The following RAD51B variants were observed in gnomAD, a reference collection of about 807,000 sequenced individuals.
The protein encoded by RAD51B is DNA repair protein RAD51 homolog 2.
In RAD51B, 38 loss-of-function variants were observed where a neutral mutation model predicts 42.2. The ratio of observed to expected loss-of-function variants is 0.90; its 90% confidence interval spans 0.70 to 1.18. The LOEUF is 1.18. Among genes scored for constraint, RAD51B ranks in the 50% most tolerant of loss-of-function variants. The pLI is 0.00. For missense variants in RAD51B, 373 were observed against 400.7 expected (o/e 0.93, Z 0.59); for synonymous variants, 154 against 145.2 (o/e 1.06, Z -0.43).
intron 10 of RAD51B, among the ~76,000 whole-genome samples, chr14:68,631,801 C>T (rs1318602064): frequency 6.6e-6 from 1 of 152,168 alleles, no homozygotes; most frequent in Non-Finnish European, 1.5e-5. Context: ...CGCTCAGGCT[C>T]CTGCCTCCCC....
chr14:68,642,921 G>C (rs1595043599), intron 10 of RAD51B, among the ~76,000 whole-genome samples: 1 of 152,172 alleles, frequency 6.6e-6, no homozygotes, highest in South Asian at 2.1e-4. Flanking sequence ...CCAGCTATCA[G>C]ACTATTTCTA....
At chr14:67,863,433 T>C (rs1221163286) in intron 4 of RAD51B, among the ~76,000 whole-genome samples, 1 of 152,178 alleles carries the variant, frequency 6.6e-6, no homozygotes, top group Non-Finnish European at 1.5e-5. Context: ...CCAGAAATGC[T>C]GGTTAACAAG....
At chr14:67,840,123 A>T (rs2041374589) in intron 4 of RAD51B, among the ~76,000 whole-genome samples, 1 of 152,282 alleles carries the variant, frequency 6.6e-6, no homozygotes, top group African/African-American at 2.4e-5. Flanking sequence ...TTCTCTAATA[A>T]TTGGGTGCCC....
At chr14:67,945,620 G>A (rs1347206207) in intron 7 of RAD51B, among the ~76,000 whole-genome samples, 2 of 152,070 alleles carry the variant, frequency 1.3e-5, no homozygotes, top group African/African-American at 4.8e-5. Flanking sequence ...ACAGGCACAC[G>A]CCACCACGCC....
At chr14:68,582,376 T>C (rs1018998764) in intron 10 of RAD51B, among the ~76,000 whole-genome samples, 2 of 152,212 alleles carry the variant, frequency 1.3e-5, no homozygotes, top group Non-Finnish European at 2.9e-5. Flanking sequence ...AAAGAAGACA[T>C]TTATGCGGTC....
At chr14:68,014,299 T>A (rs2075738681) in intron 7 of RAD51B, among the ~76,000 whole-genome samples, 1 of 152,070 alleles carries the variant, frequency 6.6e-6, no homozygotes, top group African/African-American at 2.4e-5. Context: ...TTGTTGATTC[T>A]GCTTTGGAGA....
intron 7 of RAD51B, among the ~76,000 whole-genome samples, chr14:68,014,140 A>G (rs1350740312): frequency 6.6e-6 from 1 of 151,308 alleles, no homozygotes; most frequent in Non-Finnish European, 1.5e-5. Flanking sequence ...ATTATTATGA[A>G]GATATTTTAT....
intron 9 of RAD51B, among the ~76,000 whole-genome samples, chr14:68,429,882 T>C (rs886959148): frequency 2.0e-5 from 3 of 151,086 alleles, no homozygotes; most frequent in Admixed American, 6.6e-5. Flanking sequence ...TGGTTTTAGG[T>C]CCAACATGTA....
intron 9 of RAD51B, among the ~76,000 whole-genome samples, chr14:68,426,160 C>G (rs1210129364): frequency 1.3e-5 from 2 of 151,792 alleles, no homozygotes; most frequent in Non-Finnish European, 2.9e-5. Context: ...CCTCCGCCTC[C>G]CAGGCTCAAG....
rs997904452 is a variant in RAD51B, at chr14:68,565,084, T to TACAC, written c.1037-29391_1037-29388dup. 4.0e-5 allele frequency among the ~76,000 whole-genome samples: 6 copies of TACAC among 151,808 alleles called. No homozygotes were observed. The highest frequency in any genetic ancestry group is 1.5e-4 in the African/African-American group (6 of 41,282). On this transcript the variant is annotated intron_variant, in intron 10 of 10. Coordinates refer to the RAD51B transcript ENST00000487270. The surrounding 1 kb of genome is among the most constrained non-coding windows in gnomAD (Gnocchi z 4.1). ...AAAAACACAATAGTGACAGGAAAAATACACACACACACATACACACACACA... is the reference window on the plus strand; with the variant it reads ...AAAAACACAATAGTGACAGGAAAAATACACACACACACACACATACACACACACA...
intron 8 of RAD51B, 65 bp downstream of exon 8, chr14:68,292,045 C>T: frequency 1.2e-5 from 16 of 1,381,692 alleles, no homozygotes; most frequent in Non-Finnish European, 1.4e-5. Flanking sequence ...GCCTCTCCAC[C>T]TCCTGTTGAG....
Position 67,887,177 on chromosome 14 carries a change from G to GTAT in RAD51B, c.731_733dup (p.Tyr244dup), listed in dbSNP as rs1262394035. 51 of 1,610,588 alleles carry GTAT rather than the reference G, an allele frequency of 3.2e-5. No homozygotes were observed. Among genetic ancestry groups the GTAT allele is most frequent in the Non-Finnish European group, 4.0e-5 (47 of 1,178,358 alleles). On this transcript the variant is annotated inframe_insertion, in exon 7 of 11. Coordinates refer to ENST00000471583, the MANE Select transcript of RAD51B (RefSeq NM_133510.4). ...TGGCAAGAGAGGCATCCTCCTTGAAGTATTTGGCTGAGGAGTTTTCAATCC... is the reference window on the plus strand; with the variant it reads ...TGGCAAGAGAGGCATCCTCCTTGAAGTATTATTTGGCTGAGGAGTTTTCAATCC...
chr14:68,304,807 A>G (rs1168994574), intron 8 of RAD51B, among the ~76,000 whole-genome samples: 1 of 152,134 alleles, frequency 6.6e-6, no homozygotes, highest in African/African-American at 2.4e-5. Flanking sequence ...CTTCTGTCAC[A>G]TTCTGTCTTC....
chr14:67,846,663 G>A (rs761246255), intron 4 of RAD51B, among the ~76,000 whole-genome samples: 7 of 152,150 alleles, frequency 4.6e-5, no homozygotes, highest in Non-Finnish European at 8.8e-5. Flanking sequence ...TTGGGCATCC[G>A]AGGGTACACT....
At chr14:68,495,122 A>G (rs1239529311) in intron 10 of RAD51B, among the ~76,000 whole-genome samples, 1 of 152,194 alleles carries the variant, frequency 6.6e-6, no homozygotes, top group East Asian at 1.9e-4. Context: ...ATGACTGTCT[A>G]CCAGGAACCA....
At chr14:67,996,527 T>G (rs2075387734) in intron 7 of RAD51B, among the ~76,000 whole-genome samples, 1 of 152,076 alleles carries the variant, frequency 6.6e-6, no homozygotes, top group Admixed American at 6.6e-5. Flanking sequence ...GAAAAAAGGC[T>G]TGCCAGATAG....
intron 7 of RAD51B, among the ~76,000 whole-genome samples, chr14:68,012,138 G>C (rs2075694517): frequency 6.6e-6 from 1 of 152,024 alleles, no homozygotes; most frequent in African/African-American, 2.4e-5. Flanking sequence ...GGATTCTTCG[G>C]TCTAGATTTT....
intron 10 of RAD51B, chr14:68,468,569 AG>A: frequency 2.6e-6 from 1 of 382,554 alleles, no homozygotes; most frequent in South Asian, 2.1e-5. Flanking sequence ...TATGGCATGA[AG>A]TGGGCAATGA....
At chr14:68,339,969 T>C (rs550480262) in intron 8 of RAD51B, among the ~76,000 whole-genome samples, 2 of 152,220 alleles carry the variant, frequency 1.3e-5, no homozygotes, top group Non-Finnish European at 2.9e-5. Context: ...AATGATCTTT[T>C]AGAGAGAAGG....
Sources: allele counts gnomAD v4.1 joint callset (sites outside exome capture counted in the v4.1 genomes callset), GRCh38; gene constraint gnomAD v4.1.1; non-coding constraint Gnocchi (gnomAD v3.1); transcripts MANE v1.5; gene names NCBI Gene and HGNC (gene_info 2026-07-23, HGNC 2026-07-21).